The following MPPED2 variants were observed in gnomAD, a reference collection of about 807,000 sequenced individuals.
The protein encoded by MPPED2 is metallophosphoesterase MPPED2.
MPPED2 carries 5 observed loss-of-function variants against 33.0 expected under a neutral mutation model. The ratio of observed to expected loss-of-function variants is 0.15; its 90% CI spans 0.08 to 0.32. The LOEUF is 0.32. Among genes scored for constraint, MPPED2 ranks in the 10% least tolerant of loss-of-function variants. MPPED2 has a pLI of 1.00. For missense variants in MPPED2, 275 were observed against 372.1 expected, an observed-to-expected ratio of 0.74 and a Z score of 2.15; for synonymous variants, 136 against 141.9, an observed-to-expected ratio of 0.96 and a Z score of 0.29.
intron 4 of MPPED2, among the ~76,000 whole-genome samples, chr11:30,438,260 T>C (rs920745823): frequency 2.6e-5 from 4 of 152,336 alleles, no homozygotes; most frequent in Admixed American, 2.0e-4. Flanking sequence ...TGGAGTGATA[T>C]ACTCATTTAT....
intron 4 of MPPED2, among the ~76,000 whole-genome samples, chr11:30,461,689 C>G (rs1475575700): frequency 6.6e-6 from 1 of 152,094 alleles, no homozygotes; most frequent in Non-Finnish European, 1.5e-5. Flanking sequence ...AAAAAAAGAC[C>G]TTGAAAAAAT....
At chr11:30,447,125 G>C (rs542688090) in intron 4 of MPPED2, among the ~76,000 whole-genome samples, 2 of 152,320 alleles carry the variant, frequency 1.3e-5, no homozygotes, top group East Asian at 3.9e-4. Flanking sequence ...ACAGGCGGCT[G>C]TTTGTCAGGT....
chr11:30,390,061 C>T (rs1310160160), intron 6 of MPPED2, among the ~76,000 whole-genome samples: 4 of 152,140 alleles, frequency 2.6e-5, no homozygotes, highest in Admixed American at 6.5e-5. Flanking sequence ...ATGTAAGTGT[C>T]GAAATGCAGG....
At chr11:30,457,945 T>G (rs1950350448) in intron 4 of MPPED2, among the ~76,000 whole-genome samples, 1 of 152,222 alleles carries the variant, frequency 6.6e-6, no homozygotes, top group Admixed American at 6.5e-5. Flanking sequence ...GAGCAACCTC[T>G]GCTGCTGCCG....
chr11:30,507,578 T>C (rs563806818), intron 3 of MPPED2, among the ~76,000 whole-genome samples: 1 of 152,182 alleles, frequency 6.6e-6, no homozygotes, highest in South Asian at 2.1e-4. Context: ...CAGAGAAGGT[T>C]ATTTTGATCA....
chr11:30,386,305 C>A, exon 7 of MPPED2: 1 of 157,048 alleles, frequency 6.4e-6, no homozygotes, highest in Non-Finnish European at 1.4e-5. Context: ...AGGCCACCCC[C>A]CCATCACAGG....
At chr11:30,565,469 C>A (rs1450698694) in intron 2 of MPPED2, among the ~76,000 whole-genome samples, 2 of 152,090 alleles carry the variant, frequency 1.3e-5, no homozygotes, top group African/African-American at 4.8e-5. Flanking sequence ...AGGTACTTAT[C>A]AAAGACGTAG....
intron 4 of MPPED2, among the ~76,000 whole-genome samples, chr11:30,424,389 C>T (rs980188454): frequency 7.9e-5 from 12 of 152,282 alleles, no homozygotes; most frequent in African/African-American, 9.6e-5. Context: ...ACCTTCTTCA[C>T]GCCTGGCACT....
At chr11:30,494,243 A>G (rs182249117) in intron 4 of MPPED2, among the ~76,000 whole-genome samples, 9 of 152,284 alleles carry the variant, frequency 5.9e-5, no homozygotes, top group Admixed American at 4.6e-4. Flanking sequence ...CCAGTACAAA[A>G]TGAGAGGGAA....
At chr11:30,500,419 C>T (rs558318753) in intron 3 of MPPED2, among the ~76,000 whole-genome samples, 1 of 152,308 alleles carries the variant, frequency 6.6e-6, no homozygotes, top group South Asian at 2.1e-4. Context: ...TCTTACTGTG[C>T]TTCTCACATT....
In MPPED2 at chr11:30,494,656, C is replaced by G. The variant is rs896424011; in HGVS notation, c.536+640G>C. ...TGGAGGCTGAGGCAGGAGAATTGCT[C>G]GAACCCAGGAGGCGGAGGTTGCAGT... On this transcript the variant is annotated intron_variant, in intron 4 of 6. Coordinates refer to ENST00000358117, the MANE Select transcript of MPPED2 (RefSeq NM_001584.3). 2.9e-5 allele frequency among the ~76,000 whole-genome samples: 4 copies of G among 138,084 alleles called. No individual in the cohort carries two copies. The East Asian group carries it at 9.8e-4, about 34-fold the overall frequency. 90.6% of individuals were successfully genotyped at this position (138,084 alleles called of 152,430 possible).
intron 1 of MPPED2, among the ~76,000 whole-genome samples, chr11:30,581,569 T>C (rs1957169169): frequency 6.6e-6 from 1 of 152,238 alleles, no homozygotes; most frequent in Admixed American, 6.5e-5. Context: ...ATGTGCACCA[T>C]TAAGCTCTGA....
At chr11:30,540,980 G>T (rs1052911470) in intron 2 of MPPED2, among the ~76,000 whole-genome samples, 2 of 152,160 alleles carry the variant, frequency 1.3e-5, no homozygotes, top group Non-Finnish European at 2.9e-5. Flanking sequence ...CCCTCCCTTT[G>T]TAGTGTCAGA....
At chr11:30,412,228 C>T (rs1948137261) in intron 6 of MPPED2, among the ~76,000 whole-genome samples, 1 of 148,974 alleles carries the variant, frequency 6.7e-6, no homozygotes. Flanking sequence ...TCACTGTTTC[C>T]TAAGCTTACC....
At chr11:30,449,397 A>G (rs1370092630) in intron 4 of MPPED2, among the ~76,000 whole-genome samples, 1 of 152,210 alleles carries the variant, frequency 6.6e-6, no homozygotes, top group Admixed American at 6.5e-5. Flanking sequence ...CTGGAATCCC[A>G]GCCCTTTGGG....
intron 4 of MPPED2, among the ~76,000 whole-genome samples, chr11:30,477,873 T>C (rs536747966): frequency 2.0e-5 from 3 of 152,246 alleles, no homozygotes; most frequent in East Asian, 1.9e-4. Flanking sequence ...CCTACATGCA[T>C]GACTCAGGGT....
At chr11:30,388,984 G>GGAGA (rs141564216) in intron 6 of MPPED2, 2 of 1,527,840 alleles carry the variant, frequency 1.3e-6, no homozygotes, top group Non-Finnish European at 1.8e-6. Context: ...AAAGAGAGAG[G>GGAGA]GAGAGAGAGA....
At chr11:30,443,187 A>C (rs1270697136) in intron 4 of MPPED2, among the ~76,000 whole-genome samples, 1 of 152,194 alleles carries the variant, frequency 6.6e-6, no homozygotes, top group African/African-American at 2.4e-5. Flanking sequence ...TTAAAAAAAT[A>C]ATAAATAAAT....
At chr11:30,464,813 C>T (rs368272826) in intron 4 of MPPED2, among the ~76,000 whole-genome samples, 31 of 152,216 alleles carry the variant, frequency 2.0e-4, no homozygotes, top group African/African-American at 5.8e-4. Context: ...GGGATTTAGA[C>T]GAGTAACTAA....
Sources: allele counts gnomAD v4.1 joint callset (sites outside exome capture counted in the v4.1 genomes callset), GRCh38; gene constraint gnomAD v4.1.1; transcripts MANE v1.5; gene names NCBI Gene and HGNC (gene_info 2026-07-23, HGNC 2026-07-21).